The following CDC42SE2 variants were observed in gnomAD, a reference collection of about 807,000 sequenced individuals.
CDC42SE2 encodes CDC42 small effector protein 2.
In CDC42SE2, 3 loss-of-function variants were observed where a neutral mutation model predicts 11.5. That is an observed-to-expected ratio of 0.26 (90% confidence interval 0.12 to 0.67). The LOEUF is 0.67. CDC42SE2 is among the 30% of genes least tolerant of loss of function. The pLI, the probability that CDC42SE2 is intolerant of heterozygous loss-of-function variation, is 0.80. For synonymous variants in CDC42SE2, 33 were observed against 34.8 expected, an observed-to-expected ratio of 0.95 and a Z score of 0.18; for missense variants, 82 against 106.8, an observed-to-expected ratio of 0.77 and a Z score of 1.02.
chr5:131,349,195 C>T (rs755613699), intron 2 of CDC42SE2, among the ~76,000 whole-genome samples: 4 of 152,008 alleles, frequency 2.6e-5, no homozygotes, highest in South Asian at 2.1e-4. Context: ...TCCTTTGTAG[C>T]GACATGGATG....
At chr5:131,257,099 C>T (rs1344202819) in intron 2 of CDC42SE2, among the ~76,000 whole-genome samples, 1 of 152,156 alleles carries the variant, frequency 6.6e-6, no homozygotes, top group Non-Finnish European at 1.5e-5. Flanking sequence ...ACACTCCCAG[C>T]TACCCAGCCC....
rs1416911900 is a variant in CDC42SE2 at position 131,390,983 on chromosome 5, C to A, written c.157-10C>A. On this transcript the variant is annotated splice_polypyrimidine_tract_variant and intron_variant, in intron 4 of 4. Coordinates refer to ENST00000505065, the MANE Select transcript of CDC42SE2 (RefSeq NM_001375635.1). ...CCATTTTGTTTTGTTGTATTTTTGT[C>A]TTGTTTTAGGTTAGCTCCATTCAGA... 6.3e-7 allele frequency: 1 copy of A among 1,595,020 alleles called. No homozygotes were observed. Among genetic ancestry groups the A allele is most frequent in the South Asian group, 1.1e-5 (1 of 90,382 alleles).
chr5:131,278,727 CCCT>C (rs1325383921), intron 1 of CDC42SE2, among the ~76,000 whole-genome samples: 4 of 7,282 alleles, frequency 5.5e-4, no homozygotes, highest in African/African-American at 2.8e-3. Flanking sequence ...CTCCCCTCCC[CCCT>C]CCCCTCCCCT....
intron 1 of CDC42SE2, among the ~76,000 whole-genome samples, chr5:131,270,209 C>G (rs978889232): frequency 2.6e-5 from 4 of 151,884 alleles, no homozygotes; most frequent in African/African-American, 9.7e-5. Context: ...CCCATCTCTA[C>G]TAAAAGATAC....
chr5:131,278,445 T>G (rs1320381837), intron 1 of CDC42SE2, among the ~76,000 whole-genome samples: 2 of 151,776 alleles, frequency 1.3e-5, no homozygotes, highest in Non-Finnish European at 2.9e-5. Context: ...ATCAGAGTAG[T>G]TAAGTGGAGC....
chr5:131,220,784 G>A, the CDC42SE2 span, among the ~76,000 whole-genome samples: 5 of 152,102 alleles, frequency 3.3e-5, no homozygotes, highest in East Asian at 1.9e-4. Flanking sequence ...TCAGTAGAAT[G>A]TGCGTGTGTC....
At chr5:131,231,874 C>T in the CDC42SE2 span, among the ~76,000 whole-genome samples, 12 of 152,130 alleles carry the variant, frequency 7.9e-5, no homozygotes, top group East Asian at 2.1e-3. Context: ...TCACTGCAAC[C>T]TCCACCTCCC....
chr5:131,262,049 CTACCCTTTA>C (rs1756731704), upstream of CDC42SE2, among the ~76,000 whole-genome samples: 1 of 151,652 alleles, frequency 6.6e-6, no homozygotes, highest in African/African-American at 2.4e-5. Flanking sequence ...ATAATGAATA[CTACCCTTTA>C]TAGGTAAATG....
chr5:131,371,896 T>C (rs1174306840), intron 3 of CDC42SE2, among the ~76,000 whole-genome samples: 1 of 152,256 alleles, frequency 6.6e-6, no homozygotes, highest in Non-Finnish European at 1.5e-5. Flanking sequence ...GTGTTAATTA[T>C]TATCTGCCAT....
rs532703388 is a variant in CDC42SE2 at position 131,285,123 on chromosome 5, G to A, written c.-455+20957G>A. ...GACAACATAAAAAAACCCTGTCTCTGAAAAAAAAAAAAAATTGCCTGGTGA... is the reference window on the plus strand; with the variant it reads ...GACAACATAAAAAAACCCTGTCTCTAAAAAAAAAAAAAAATTGCCTGGTGA... On this transcript the variant is annotated intron_variant, in intron 1 of 4. Coordinates refer to ENST00000505065, the MANE Select transcript of CDC42SE2 (RefSeq NM_001375635.1). 2.4e-4 allele frequency among the ~76,000 whole-genome samples: 33 copies of A among 139,508 alleles called. No homozygotes were observed. The South Asian group carries it at 7.1e-3, about 30-fold the overall frequency. The allele number at this position is 139,508 out of a possible 152,430, so 91.5% of individuals were successfully genotyped here.
intron 2 of CDC42SE2, among the ~76,000 whole-genome samples, chr5:131,328,879 C>T (rs1019505592): frequency 2.6e-5 from 4 of 152,344 alleles, no homozygotes; most frequent in African/African-American, 4.8e-5. Flanking sequence ...CTGTTGGCTG[C>T]TACTGCATCA....
chr5:131,362,540 G>T (rs1316160528), intron 3 of CDC42SE2, among the ~76,000 whole-genome samples: 1 of 152,118 alleles, frequency 6.6e-6, no homozygotes, highest in African/African-American at 2.4e-5. Context: ...GAAATAAAGT[G>T]CTGCATGCCG....
the CDC42SE2 span, among the ~76,000 whole-genome samples, chr5:131,213,338 T>C: frequency 6.6e-6 from 1 of 152,244 alleles, no homozygotes. Context: ...GAAATTAAAA[T>C]TAAATCTCAT....
chr5:131,275,643 C>G (rs1757085635), intron 1 of CDC42SE2, among the ~76,000 whole-genome samples: 1 of 129,028 alleles, frequency 7.8e-6, no homozygotes, highest in Non-Finnish European at 1.7e-5. Context: ...GATTGGGTGC[C>G]AAAACTTCAT....
chr5:131,372,471 T>C (rs1750037725), intron 3 of CDC42SE2, among the ~76,000 whole-genome samples: 1 of 151,990 alleles, frequency 6.6e-6, no homozygotes, highest in African/African-American at 2.4e-5. Flanking sequence ...CCCAGCACTT[T>C]GGGAGGCTGA....
At chr5:131,252,701 T>C (rs1233750437) in intron 1 of CDC42SE2, among the ~76,000 whole-genome samples, 1 of 152,172 alleles carries the variant, frequency 6.6e-6, no homozygotes, top group Non-Finnish European at 1.5e-5. Context: ...CTAGTGCCTC[T>C]TTTTGCAGGT....
At chr5:131,351,526 T>G (rs1319663436) in intron 2 of CDC42SE2, among the ~76,000 whole-genome samples, 2 of 152,032 alleles carry the variant, frequency 1.3e-5, no homozygotes, top group African/African-American at 4.8e-5. Flanking sequence ...AGTGTTGGGA[T>G]TACAGGCGTG....
intron 1 of CDC42SE2, among the ~76,000 whole-genome samples, chr5:131,278,718 TCCCCTCCCCC>T (rs1757160221): frequency 6.1e-5 from 2 of 32,884 alleles, no homozygotes; most frequent in Admixed American, 3.1e-4. Context: ...TCCTCTCCCC[TCCCCTCCCCC>T]CTCCCCTCCC....
chr5:131,264,227 T>C (rs1031593913), intron 1 of CDC42SE2, 61 bp downstream of exon 1: 1 of 152,054 alleles, frequency 6.6e-6, no homozygotes, highest in African/African-American at 2.4e-5. Flanking sequence ...CTCGGTCCCT[T>C]GGGCGGGGTC....
Sources: gnomAD v4.1 joint callset for allele counts (sites outside exome capture counted in the v4.1 genomes callset) on GRCh38, gnomAD v4.1.1 for gene constraint, MANE v1.5 for transcripts, NCBI Gene and HGNC (gene_info 2026-07-23, HGNC 2026-07-21) for gene names.